SRPK2: variants seen among roughly 807,000 people sequenced by gnomAD.
SRPK2 encodes the protein SRSF protein kinase 2, also known as SFRS protein kinase 2.
SRPK2 carries 21 observed loss-of-function variants against 90.8 expected under a neutral mutation model. That is an observed-to-expected ratio of 0.23 (90% CI 0.16 to 0.33). The LOEUF is 0.33. SRPK2 is among the 10% of genes least tolerant of loss of function. The pLI is 1.00. For synonymous variants in SRPK2, 288 were observed against 311.1 expected (o/e 0.93, Z 0.78); for missense variants, 620 against 869.0 (o/e 0.71, Z 3.60).
At chr7:105,182,714 T>C (rs1216237558) in intron 3 of SRPK2, among the ~76,000 whole-genome samples, 1 of 152,202 alleles carries the variant, frequency 6.6e-6, no homozygotes, top group Non-Finnish European at 1.5e-5. Context: ...GCAATCCACC[T>C]GCCTTGGCCT....
Position 105,352,837 on chromosome 7 carries a change from G to A in SRPK2, c.71+35811C>T, listed in dbSNP as rs145934991. 1.9e-3 allele frequency among the ~76,000 whole-genome samples: 283 copies of A among 152,138 alleles called. 1 individual carries two copies. The highest frequency in any genetic ancestry group is 6.6e-3 in the African/African-American group (273 of 41,480). ...AATTGCTTGAACCCAGGAGATGGAG[G>A]TTGCATGAGCCAAGATTGCACCAGT... On this transcript the variant is annotated intron_variant, in intron 2 of 15. Transcript: ENST00000393651.
chr7:105,294,726 A>G (rs907432219), intron 2 of SRPK2, among the ~76,000 whole-genome samples: 2 of 151,936 alleles, frequency 1.3e-5, no homozygotes, highest in African/African-American at 4.8e-5. Context: ...GGATTTCATC[A>G]TGTTGGCCAG....
chr7:105,295,720 T>G (rs993729009), intron 2 of SRPK2, among the ~76,000 whole-genome samples: 3 of 152,198 alleles, frequency 2.0e-5, no homozygotes, highest in Non-Finnish European at 4.4e-5. Flanking sequence ...TGAATGTACT[T>G]AATGCAACTG....
rs780862928 is a variant in SRPK2 at position 105,307,821 on chromosome 7, A to G, written c.71+80827T>C. Among the ~76,000 whole-genome samples, 49 of 152,288 alleles carry G rather than the reference A, an allele frequency of 3.2e-4. 1 individual carries two copies. In the Middle Eastern group the frequency reaches 0.01, roughly 32 times the overall value. ...ATACGCTTTATCTTTTATAATCATCATAGTAACTTAACAGTGAAGTGGGAT... is the reference window on the plus strand; with the variant it reads ...ATACGCTTTATCTTTTATAATCATCGTAGTAACTTAACAGTGAAGTGGGAT... On this transcript the variant is annotated intron_variant, in intron 2 of 15. Transcript: ENST00000393651.
At chr7:105,232,351 C>T (rs775294228) in intron 2 of SRPK2, among the ~76,000 whole-genome samples, 7 of 151,426 alleles carry the variant, frequency 4.6e-5, no homozygotes, top group East Asian at 2.0e-4. Context: ...CTCAGCTACT[C>T]GGGAGGCTGA....
In SRPK2 at chr7:105,267,970, C is replaced by T. The variant is rs750912757; in HGVS notation, c.72-64185G>A. Among the ~76,000 whole-genome samples, 5 of 151,994 alleles carry T rather than the reference C, an allele frequency of 3.3e-5. No individual in the cohort carries two copies. The East Asian group carries it at 5.8e-4, about 18-fold the overall frequency. ...GAGAAAGGTAAGCATCAACTGTATG[C>T]CCAGGAATCTCAATTTAAGACATCA... is the stretch of plus-strand genomic sequence containing the variant. On this transcript the variant is annotated intron_variant, in intron 2 of 15. Transcript: ENST00000393651.
intron 2 of SRPK2, among the ~76,000 whole-genome samples, chr7:105,261,022 T>TTAA (rs368334222): frequency 1.5e-4 from 17 of 116,038 alleles, no homozygotes; most frequent in African/African-American, 4.5e-4. Flanking sequence ...CCCTAGAAAT[T>TTAA]AAAAAAAAAA....
At chr7:105,299,994 AAT>A (rs923148153) in intron 2 of SRPK2, among the ~76,000 whole-genome samples, 1 of 152,168 alleles carries the variant, frequency 6.6e-6, no homozygotes, top group African/African-American at 2.4e-5. Context: ...TCAAAAATTA[AAT>A]ATAATAAATA....
intron 2 of SRPK2, among the ~76,000 whole-genome samples, chr7:105,355,112 G>C (rs1042254606): frequency 1.3e-5 from 2 of 152,160 alleles, no homozygotes; most frequent in Non-Finnish European, 2.9e-5. Context: ...TCCATTGTAA[G>C]GATATGCTAC....
chr7:105,312,403 G>A (rs1340146362), intron 2 of SRPK2, among the ~76,000 whole-genome samples: 1 of 112,398 alleles, frequency 8.9e-6, no homozygotes, highest in Non-Finnish European at 1.6e-5. Context: ...TCATGCCACT[G>A]CACTCTAACC....
intron 13 of SRPK2, among the ~76,000 whole-genome samples, chr7:105,127,618 G>C (rs1801388471): frequency 6.6e-6 from 1 of 152,156 alleles, no homozygotes; most frequent in Admixed American, 6.5e-5. Flanking sequence ...TTTGTCCCCA[G>C]GGCCAGAGGA....
chr7:105,388,923 C>T, upstream of SRPK2: 3 of 1,141,030 alleles, frequency 2.6e-6, no homozygotes, highest in Non-Finnish European at 2.1e-6. Flanking sequence ...ACCGCGCCTG[C>T]GCCGCCGCCG....
chr7:105,265,375 G>C (rs1804908951), intron 2 of SRPK2, among the ~76,000 whole-genome samples: 1 of 152,156 alleles, frequency 6.6e-6, no homozygotes, highest in Non-Finnish European at 1.5e-5. Flanking sequence ...ATGGGACGAA[G>C]TACACAGGTT....
intron 13 of SRPK2, among the ~76,000 whole-genome samples, chr7:105,132,202 C>T (rs1037080934): frequency 3.9e-5 from 6 of 152,208 alleles, no homozygotes; most frequent in Non-Finnish European, 4.4e-5. Context: ...GCGTTGCTGC[C>T]ACTGTTTCAG....
At chr7:105,377,656 C>T (rs377063634) in intron 2 of SRPK2, among the ~76,000 whole-genome samples, 3 of 151,946 alleles carry the variant, frequency 2.0e-5, no homozygotes, top group South Asian at 2.1e-4. Context: ...ACTGAGATCG[C>T]GCCACCGCAC....
intron 2 of SRPK2, among the ~76,000 whole-genome samples, chr7:105,276,247 A>AT (rs1017819389): frequency 3.6e-4 from 52 of 146,310 alleles, no homozygotes; most frequent in Middle Eastern, 3.5e-3. Flanking sequence ...TGCTTGGCTA[A>AT]TTTTTTTTTT....
intron 2 of SRPK2, among the ~76,000 whole-genome samples, chr7:105,359,150 C>T (rs1180765622): frequency 5.5e-5 from 3 of 54,796 alleles, no homozygotes; most frequent in African/African-American, 7.6e-5. Flanking sequence ...CAAACCACAG[C>T]TTTTTTTTTT....
chr7:105,178,413 T>C (rs1041130897), intron 3 of SRPK2, among the ~76,000 whole-genome samples: 5 of 152,210 alleles, frequency 3.3e-5, no homozygotes, highest in African/African-American at 1.2e-4. Context: ...TCAATCTCTG[T>C]TATTACAGTC....
At chr7:105,167,966 C>A (rs779750733) in intron 5 of SRPK2, 42 bp downstream of exon 5, 8 of 1,472,608 alleles carry the variant, frequency 5.4e-6, no homozygotes, top group South Asian at 2.5e-5. Flanking sequence ...AATTTTAAGT[C>A]ATTAAGTTTT....
Sources: gnomAD v4.1 joint callset for allele counts (sites outside exome capture counted in the v4.1 genomes callset) on GRCh38, gnomAD v4.1.1 for gene constraint, MANE v1.5 for transcripts, NCBI Gene and HGNC (gene_info 2026-07-23, HGNC 2026-07-21) for gene names.